Variants in DMD observed in about 807,000 individuals in gnomAD.
The protein encoded by DMD is dystrophin.
In DMD, 63 loss-of-function variants were observed where a neutral mutation model predicts 330.1. The ratio of observed to expected loss-of-function variants is 0.19; its 90% CI spans 0.16 to 0.24. DMD has a LOEUF of 0.24. Among genes scored for constraint, DMD ranks in the 10% least tolerant of loss-of-function variants. DMD has a pLI of 1.00. For missense variants in DMD, 3,344 were observed against 2,684.1 expected, an observed-to-expected ratio of 1.25 and a Z score of -5.43; for synonymous variants, 1,223 against 959.8, an observed-to-expected ratio of 1.27 and a Z score of -5.07.
At position 33,251,274 on chromosome X, in the gene DMD, T is replaced by C. The variant is rs190466982; in HGVS notation, c.7+87985A>G. Among the ~76,000 whole-genome samples the C allele has an allele frequency of 1.2e-4, 13 of 112,128 alleles. No homozygotes were observed. In the East Asian group the frequency reaches 3.6e-3, roughly 31 times the overall value. The stretch of plus-strand genomic sequence containing the variant: ...ACCTACTTATTTCTTTGTCTATGTC[T>C]AAAAATGCATTTCTTTCTCTATGTC... On this transcript the variant is annotated intron_variant, in intron 1 of 17. Coordinates refer to the DMD transcript ENST00000288447.
chrX:32,385,369 G>T (rs1368588858), intron 33 of DMD, among the ~76,000 whole-genome samples: 3 of 110,744 alleles, frequency 2.7e-5, no homozygotes, highest in African/African-American at 9.8e-5. Context: ...AATGCAATTG[G>T]ACACTTATCT....
chrX:33,019,401 C>G (rs899165639), intron 2 of DMD, among the ~76,000 whole-genome samples: 2 of 111,363 alleles, frequency 1.8e-5, no homozygotes, highest in East Asian at 5.7e-4. Flanking sequence ...TACAAACATT[C>G]ATGATGGAAA....
intron 9 of DMD, among the ~76,000 whole-genome samples, chrX:32,651,049 C>T (rs954061513): frequency 7.2e-5 from 8 of 111,655 alleles, no homozygotes; most frequent in African/African-American, 9.8e-5. Context: ...TTCCAAAACA[C>T]GTCTTTATCC....
chrX:31,279,057 G>C (rs2052408661), intron 62 of DMD, among the ~76,000 whole-genome samples: 1 of 112,214 alleles, frequency 8.9e-6, no homozygotes, highest in African/African-American at 3.2e-5. Context: ...GACCAGCTTT[G>C]AAAGTTACCA....
chrX:32,400,093 T>C (rs1314733830), intron 30 of DMD, among the ~76,000 whole-genome samples: 1 of 111,615 alleles, frequency 9.0e-6, no homozygotes, highest in Non-Finnish European at 1.9e-5. Flanking sequence ...TGGCTGTGGG[T>C]TTGTCATAGA....
intron 44 of DMD, among the ~76,000 whole-genome samples, chrX:32,179,621 G>C (rs1170869865): frequency 2.7e-5 from 3 of 111,976 alleles, no homozygotes; most frequent in Non-Finnish European, 5.6e-5. Flanking sequence ...TGATAATATT[G>C]ATCATCCAAA....
chrX:33,291,622 T>C (rs946313389), intron 1 of DMD, among the ~76,000 whole-genome samples: 6 of 111,526 alleles, frequency 5.4e-5, no homozygotes, highest in Admixed American at 9.6e-5. Context: ...ATACTTATAA[T>C]TTTATTGCCA....
At chrX:32,950,903 C>T (rs535886614) in intron 2 of DMD, among the ~76,000 whole-genome samples, 2 of 111,234 alleles carry the variant, frequency 1.8e-5, no homozygotes, top group African/African-American at 6.5e-5. Flanking sequence ...GAGTAAAAGG[C>T]GGGAGTAAGC....
In DMD at chrX:32,440,242, G is replaced by A. The variant is rs191198538; in HGVS notation, c.3921+938C>T. 5.4e-5 allele frequency among the ~76,000 whole-genome samples: 6 copies of A among 111,655 alleles called. No individual in the cohort carries two copies. In the South Asian group the frequency reaches 1.1e-3, roughly 21 times the overall value. ...TTGGTCAATTAACTTCTCTGAATAC[G>A]ACAAATTTATAGTCATAGTCAGATA... On this transcript the variant is annotated intron_variant, in intron 28 of 78. Coordinates refer to ENST00000357033, the MANE Select transcript of DMD (RefSeq NM_004006.3).
intron 33 of DMD, among the ~76,000 whole-genome samples, chrX:32,381,927 G>C (rs967092748): frequency 9.0e-6 from 1 of 110,897 alleles, no homozygotes; most frequent in Admixed American, 9.7e-5. Flanking sequence ...CTCGACTTGA[G>C]TATGATTTTT....
chrX:32,973,626 C>G (rs1398675474), intron 2 of DMD, among the ~76,000 whole-genome samples: 2 of 111,920 alleles, frequency 1.8e-5, no homozygotes, highest in Non-Finnish European at 3.8e-5. Flanking sequence ...GCCATTGAGT[C>G]CAACTTAGCT....
chrX:32,463,653 G>C, intron 24 of DMD, 59 bp from the exon 25 acceptor site: 1 of 994,978 alleles, frequency 1.0e-6, no homozygotes, highest in Non-Finnish European at 1.3e-6. Context: ...TATTAGATAT[G>C]AAACATAGCT....
intron 59 of DMD, among the ~76,000 whole-genome samples, chrX:31,471,188 C>T (rs775151736): frequency 2.9e-4 from 32 of 110,859 alleles, no homozygotes; most frequent in Non-Finnish European, 4.7e-4. Flanking sequence ...TTCCAGGTGA[C>T]GCTGGGATAT....
chrX:32,599,923 G>T (rs1386400923), intron 12 of DMD, among the ~76,000 whole-genome samples: 2 of 111,316 alleles, frequency 1.8e-5, no homozygotes, highest in African/African-American at 6.5e-5. Context: ...TTTTCTTTAT[G>T]ACAAGAGAAA....
intron 7 of DMD, among the ~76,000 whole-genome samples, chrX:32,731,746 CA>C (rs1028391117): frequency 2.7e-5 from 3 of 111,978 alleles, no homozygotes; most frequent in African/African-American, 6.5e-5. Flanking sequence ...GACATCCACA[CA>C]AAAAACCCAT....
intron 33 of DMD, among the ~76,000 whole-genome samples, chrX:32,383,191 A>G (rs1402435110): frequency 9.0e-6 from 1 of 110,723 alleles, no homozygotes; most frequent in African/African-American, 3.3e-5. Context: ...AGACAAGAAG[A>G]AAGCTCTCCT....
chrX:32,382,161 TTTACTACC>T (rs747638605), intron 33 of DMD, among the ~76,000 whole-genome samples: 22 of 111,792 alleles, frequency 2.0e-4, no homozygotes, highest in Admixed American at 1.0e-3. Context: ...TTACATTTAT[TTTACTACC>T]TTACAGGTAA....
chrX:32,681,820 T>G (rs1327105601), intron 9 of DMD, among the ~76,000 whole-genome samples: 1 of 111,930 alleles, frequency 8.9e-6, no homozygotes, highest in Non-Finnish European at 1.9e-5. Context: ...ATTAAAGCTT[T>G]GAAAGAAGAC....
At chrX:32,274,560 A>C (rs1366318675) in intron 43 of DMD, among the ~76,000 whole-genome samples, 1 of 112,421 alleles carries the variant, frequency 8.9e-6, no homozygotes, top group Non-Finnish European at 1.9e-5. Context: ...GCAGAAGATA[A>C]GCTGATGGGC....
Sources: allele counts gnomAD v4.1 joint callset (sites outside exome capture counted in the v4.1 genomes callset), GRCh38; gene constraint gnomAD v4.1.1; transcripts MANE v1.5; gene names NCBI Gene and HGNC (gene_info 2026-07-23, HGNC 2026-07-21).